Variants in IL3RA observed in about 807,000 individuals in gnomAD.
IL3RA encodes the protein interleukin 3 receptor subunit alpha.
In IL3RA, 73 loss-of-function variants were observed where a neutral mutation model predicts 52.3. The observed-to-expected ratio is 1.40, with a 90% CI of 1.16 to 1.70. The LOEUF (loss-of-function observed/expected upper bound fraction) is 1.70, where lower values mean the gene tolerates loss of function less well. Among genes scored for constraint, IL3RA ranks in the 40% most tolerant of loss-of-function variants. IL3RA has a pLI of 0.00. For synonymous variants in IL3RA, 260 were observed against 194.0 expected, an observed-to-expected ratio of 1.34 and a Z score of -2.83; for missense variants, 664 against 504.4, an observed-to-expected ratio of 1.32 and a Z score of -3.03.
At chrX:1,340,177 G>A (rs1338415794) in intron 1 of IL3RA, among the ~76,000 whole-genome samples, 4 of 141,170 alleles carry the variant, frequency 2.8e-5, no homozygotes, top group African/African-American at 7.7e-5. Context: ...GTGCAGTGGC[G>A]CCATCTCGGC....
intron 2 of IL3RA, among the ~76,000 whole-genome samples, chrX:1,343,059 AG>A (rs1259740373): frequency 6.6e-6 from 1 of 151,882 alleles, no homozygotes; most frequent in African/African-American, 2.4e-5. Context: ...TGGGCGACAG[AG>A]TGAGACTCCG....
intron 3 of IL3RA, among the ~76,000 whole-genome samples, chrX:1,346,414 G>A (rs2085745400): frequency 2.0e-5 from 3 of 151,798 alleles, no homozygotes; most frequent in Admixed American, 6.6e-5. Flanking sequence ...ACTCCAGCCT[G>A]GGGGACGAGA....
At chrX:1,342,965 C>G (rs1334635145) in intron 2 of IL3RA, among the ~76,000 whole-genome samples, 8 of 151,682 alleles carry the variant, frequency 5.3e-5, no homozygotes, top group African/African-American at 1.7e-4. Context: ...ATCCCAGTTA[C>G]TCGGGAGGCT....
At chrX:1,352,576 C>A in intron 6 of IL3RA, 70 bp downstream of exon 6, 1 of 1,484,614 alleles carries the variant, frequency 6.7e-7, no homozygotes, top group Non-Finnish European at 9.2e-7. Flanking sequence ...CAGGCCAGAT[C>A]CCACGGGACC....
intron 8 of IL3RA, among the ~76,000 whole-genome samples, chrX:1,364,374 C>G (rs548713072): frequency 6.6e-6 from 1 of 151,678 alleles, no homozygotes. Flanking sequence ...GCCTGTAATC[C>G]CAGCTACTCG....
chrX:1,381,228 G>C (rs1474193756), intron 11 of IL3RA, 124 bp downstream of exon 11: 9 of 822,350 alleles, frequency 1.1e-5, no homozygotes, highest in Non-Finnish European at 1.9e-5. Flanking sequence ...GAGAAACTCC[G>C]TGTCTACTAA....
At chrX:1,346,420 C>T (rs17885742) in intron 3 of IL3RA, among the ~76,000 whole-genome samples, 8,581 of 151,258 alleles carry the variant, frequency 0.057, 359 homozygotes, top group Non-Finnish European at 0.086. Flanking sequence ...GCCTGGGGGA[C>T]GAGAGCAAGA....
chrX:1,382,294 G>A, intron 11 of IL3RA, 97 bp from the exon 12 acceptor site: 1 of 1,091,760 alleles, frequency 9.2e-7, no homozygotes, highest in Non-Finnish European at 1.4e-6. Flanking sequence ...CTGGCCCACA[G>A]AGCAGATCTG....
rs1472326024 is a variant in IL3RA at position 1,363,363 on chromosome X, C to T, written c.760-1775C>T. Among the ~76,000 whole-genome samples the T allele has an allele frequency of 1.1e-3, 157 of 149,128 alleles. 2 individuals are homozygous for T. The highest frequency in any genetic ancestry group is 3.6e-3 in the African/African-American group (145 of 40,434). On this transcript the variant is annotated intron_variant, in intron 8 of 11. Transcript: ENST00000331035. The stretch of plus-strand genomic sequence containing the variant: ...TCACCCAGGCTGGAGTGCAGTGGCG[C>T]AATCTCGGCTCACTGCAAGCTCCGC...
chrX:1,346,585 T>A (rs1388736361), intron 3 of IL3RA, among the ~76,000 whole-genome samples: 3 of 151,624 alleles, frequency 2.0e-5, no homozygotes, highest in African/African-American at 7.3e-5. Flanking sequence ...CCAGCCTGGG[T>A]GACAGAGTGA....
At chrX:1,345,742 G>T (rs1473738956) in intron 3 of IL3RA, among the ~76,000 whole-genome samples, 2 of 151,676 alleles carry the variant, frequency 1.3e-5, no homozygotes, top group African/African-American at 4.9e-5. Flanking sequence ...TGCCCGCCTC[G>T]GCCTCCCAAA....
chrX:1,346,463 C>T (rs147003234), intron 3 of IL3RA, among the ~76,000 whole-genome samples: 78 of 149,086 alleles, frequency 5.2e-4, no homozygotes, highest in African/African-American at 1.6e-3. Context: ...AAAAATTAGC[C>T]GGATGTGGTG....
At position 1,352,398 on chromosome X, in the gene IL3RA, A is replaced by G; in HGVS notation, c.508A>G (p.Ile170Val). 2 of 1,613,800 alleles carry G rather than the reference A, an allele frequency of 1.2e-6. No homozygotes were observed. The highest frequency in any genetic ancestry group is 1.7e-6 in the Non-Finnish European group (2 of 1,179,840). ...GTRIGCRFDD[I>V]SRLSSGSQSS... is the part of the protein sequence containing the mutation. ...ACGTATCGGGTGTCGTTTCGATGAC[A>G]TCTCTCGACTCTCCAGCGGTTCTCA... The change falls in exon 6 of 12, where the codon ATC becomes GTC. Residue 170 changes from isoleucine (I) to valine (V), a missense_variant. By Grantham distance (29) the Ile-to-Val change is conservative. Coordinates refer to ENST00000331035, the MANE Select transcript of IL3RA (RefSeq NM_002183.4).
intron 8 of IL3RA, among the ~76,000 whole-genome samples, chrX:1,360,809 T>G (rs1161158317): frequency 6.6e-6 from 1 of 151,896 alleles, no homozygotes; most frequent in Non-Finnish European, 1.5e-5. Context: ...ATTACAGGTG[T>G]GAGCCACCGT....
chrX:1,360,230 CTGT>C (rs1353471319), intron 8 of IL3RA, among the ~76,000 whole-genome samples: 1 of 42,036 alleles, frequency 2.4e-5, no homozygotes, highest in Non-Finnish European at 4.8e-5. Flanking sequence ...TTCTCTGTGT[CTGT>C]CTCTGTATCT....
chrX:1,344,840 C>T (rs1468908423), intron 2 of IL3RA, among the ~76,000 whole-genome samples: 4 of 149,552 alleles, frequency 2.7e-5, no homozygotes, highest in Non-Finnish European at 5.9e-5. Context: ...ACTCCACGGG[C>T]AAAAAAACCA....
intron 2 of IL3RA, among the ~76,000 whole-genome samples, chrX:1,343,669 A>AG (rs1431794990): frequency 4.8e-5 from 7 of 146,486 alleles, no homozygotes; most frequent in African/African-American, 7.8e-5. Context: ...TCCATCTCAA[A>AG]AAAAAAAAAA....
intron 2 of IL3RA, 99 bp downstream of exon 2, chrX:1,341,928 CT>C (rs2085512418): frequency 7.8e-7 from 1 of 1,286,844 alleles, no homozygotes; most frequent in African/African-American, 1.4e-5. Flanking sequence ...ACTTTTCATG[CT>C]GAGCTCATGG....
chrX:1,379,600 G>A (rs1193809572), intron 10 of IL3RA, among the ~76,000 whole-genome samples: 3 of 152,224 alleles, frequency 2.0e-5, no homozygotes, highest in African/African-American at 7.2e-5. Flanking sequence ...GTCCTCCCCT[G>A]CCCTGCCCAG....
Sources: gnomAD v4.1 joint callset for allele counts (sites outside exome capture counted in the v4.1 genomes callset) on GRCh38, gnomAD v4.1.1 for gene constraint, MANE v1.5 for transcripts, NCBI Gene and HGNC (gene_info 2026-07-23, HGNC 2026-07-21) for gene names.